Variants in RUNDC3B observed in about 807,000 individuals in gnomAD.
RUNDC3B encodes RUN domain containing 3B.
In RUNDC3B, 33 loss-of-function variants were observed where a neutral mutation model predicts 58.4. That is an observed-to-expected ratio of 0.56 (90% CI 0.43 to 0.75). RUNDC3B has a LOEUF of 0.75. Ranked by LOEUF, RUNDC3B falls within the 30% of genes least tolerant of loss-of-function variation. The pLI is 0.00. For synonymous variants in RUNDC3B, 193 were observed against 195.2 expected, an observed-to-expected ratio of 0.99 and a Z score of 0.10; for missense variants, 501 against 535.7, an observed-to-expected ratio of 0.94 and a Z score of 0.64.
chr7:87,715,367 T>A (rs1331818481), intron 4 of RUNDC3B, among the ~76,000 whole-genome samples: 2 of 117,854 alleles, frequency 1.7e-5, no homozygotes, highest in Admixed American at 1.9e-4. Context: ...AATTAATTTA[T>A]AATAATTATA....
At chr7:87,695,587 A>G (rs940001286) in intron 2 of RUNDC3B, among the ~76,000 whole-genome samples, 2 of 152,118 alleles carry the variant, frequency 1.3e-5, no homozygotes, top group African/African-American at 4.8e-5. Context: ...AATATTGTCA[A>G]GTAGGTGATA....
At chr7:87,812,619 G>A (rs557986936) in intron 9 of RUNDC3B, among the ~76,000 whole-genome samples, 2 of 151,944 alleles carry the variant, frequency 1.3e-5, no homozygotes, top group East Asian at 1.9e-4. Flanking sequence ...AAATAAATAA[G>A]TAAATAAATA....
At chr7:87,660,525 T>A (rs1563111478) in intron 2 of RUNDC3B, among the ~76,000 whole-genome samples, 1 of 152,074 alleles carries the variant, frequency 6.6e-6, no homozygotes, top group Non-Finnish European at 1.5e-5. Flanking sequence ...TATTTTATGA[T>A]CGTTAGTTCC....
At chr7:87,703,915 T>TTTTG (rs1829350212) in intron 3 of RUNDC3B, among the ~76,000 whole-genome samples, 1 of 18,530 alleles carries the variant, frequency 5.4e-5, no homozygotes, top group African/African-American at 2.1e-4. Context: ...TTTTTTTTGG[T>TTTTG]TTTTTTTTTT....
At chr7:87,802,584 C>T (rs1465819134) in intron 8 of RUNDC3B, among the ~76,000 whole-genome samples, 1 of 152,088 alleles carries the variant, frequency 6.6e-6, no homozygotes, top group Non-Finnish European at 1.5e-5. Context: ...TTGTTTGTAA[C>T]ACAAAGGTTA....
At chr7:87,708,447 A>G (rs1358168216) in intron 3 of RUNDC3B, among the ~76,000 whole-genome samples, 1 of 152,124 alleles carries the variant, frequency 6.6e-6, no homozygotes, top group Non-Finnish European at 1.5e-5. Context: ...TAACACGAAA[A>G]GGATGGAAAT....
At chr7:87,695,091 A>G (rs1413021280) in intron 2 of RUNDC3B, among the ~76,000 whole-genome samples, 1 of 152,144 alleles carries the variant, frequency 6.6e-6, no homozygotes, top group African/African-American at 2.4e-5. Context: ...TAGCAATGTA[A>G]GTACAATTGA....
intron 8 of RUNDC3B, among the ~76,000 whole-genome samples, chr7:87,790,943 A>T (rs1029436527): frequency 1.3e-5 from 2 of 152,204 alleles, no homozygotes; most frequent in African/African-American, 2.4e-5. Context: ...ATAACAGAGA[A>T]CATCCCAAAC....
chr7:87,748,057 G>A (rs117321381), intron 6 of RUNDC3B, among the ~76,000 whole-genome samples: 2,604 of 152,276 alleles, frequency 0.017, 23 homozygotes, highest in South Asian at 0.036. Context: ...TTTCCCTGTG[G>A]AGTTTTAGCC....
intron 9 of RUNDC3B, among the ~76,000 whole-genome samples, chr7:87,811,927 A>G (rs985031045): frequency 6.6e-6 from 1 of 152,208 alleles, no homozygotes; most frequent in Admixed American, 6.5e-5. Flanking sequence ...CAAAAAGTAC[A>G]TATCTGTCTC....
At chr7:87,718,201 C>T (rs1185947538) in intron 4 of RUNDC3B, among the ~76,000 whole-genome samples, 1 of 152,116 alleles carries the variant, frequency 6.6e-6, no homozygotes, top group African/African-American at 2.4e-5. Context: ...ATGAAAGTTT[C>T]TAGGAGTCCT....
At chr7:87,735,520 G>A (rs1342240590) in intron 4 of RUNDC3B, among the ~76,000 whole-genome samples, 1 of 152,110 alleles carries the variant, frequency 6.6e-6, no homozygotes, top group Admixed American at 6.5e-5. Context: ...GTCAGATCCT[G>A]GTTTCCCTAC....
intron 3 of RUNDC3B, among the ~76,000 whole-genome samples, chr7:87,702,823 C>T (rs1829211786): frequency 6.6e-6 from 1 of 152,066 alleles, no homozygotes; most frequent in East Asian, 1.9e-4. Flanking sequence ...GCTAAATGGA[C>T]CATTTAATGC....
chr7:87,646,365 T>C (rs1204178970), intron 1 of RUNDC3B, among the ~76,000 whole-genome samples: 1 of 152,182 alleles, frequency 6.6e-6, no homozygotes, highest in African/African-American at 2.4e-5. Flanking sequence ...GTGACTAAAA[T>C]CTTATCAGAC....
chr7:87,704,159 G>T (rs554424720), intron 3 of RUNDC3B, among the ~76,000 whole-genome samples: 7 of 151,998 alleles, frequency 4.6e-5, no homozygotes, highest in Admixed American at 4.6e-4. Context: ...GAGTTCAAGT[G>T]ATCCGCCTGC....
intron 10 of RUNDC3B, among the ~76,000 whole-genome samples, chr7:87,816,479 A>G (rs887325414): frequency 2.6e-5 from 4 of 151,732 alleles, no homozygotes. Context: ...ACCTTCATTT[A>G]CTCACTTCCT....
chr7:87,822,589 A>G lies in RUNDC3B; in HGVS notation c.1225+6327A>G, dbSNP rs577818057. Among the ~76,000 whole-genome samples the G allele has an allele frequency of 1.2e-4, 19 of 152,282 alleles. No individual in the cohort carries two copies. The South Asian group carries it at 3.9e-3, about 32-fold the overall frequency. On this transcript the variant is annotated intron_variant, in intron 10 of 10. Transcript: ENST00000394654. ...TGCTGCTATAAAGACACATGCACAC[A>G]TATGTTTATAGCGGCACTATTCACA...
At chr7:87,703,311 TA>T (rs1702741302) in intron 3 of RUNDC3B, among the ~76,000 whole-genome samples, 1 of 152,154 alleles carries the variant, frequency 6.6e-6, no homozygotes, top group Non-Finnish European at 1.5e-5. Context: ...ATGTTCAAAT[TA>T]AATATTTTGT....
At chr7:87,735,588 G>A (rs1173303374) in intron 4 of RUNDC3B, among the ~76,000 whole-genome samples, 4 of 152,098 alleles carry the variant, frequency 2.6e-5, no homozygotes, top group Non-Finnish European at 2.9e-5. Context: ...AATATGTAGC[G>A]GCAAAGTTAA....
Sources: allele counts gnomAD v4.1 joint callset (sites outside exome capture counted in the v4.1 genomes callset), GRCh38; gene constraint gnomAD v4.1.1; transcripts MANE v1.5; gene names NCBI Gene and HGNC (gene_info 2026-07-23, HGNC 2026-07-21).